CCM2L: variants seen among roughly 807,000 people sequenced by gnomAD.
The protein encoded by CCM2L is CCM2 like scaffold protein.
A neutral mutation model predicts 54.1 loss-of-function variants in CCM2L; 36 were observed. The ratio of observed to expected loss-of-function variants is 0.67; its 90% CI spans 0.51 to 0.88. The LOEUF (loss-of-function observed/expected upper bound fraction) is 0.88, where lower values mean the gene tolerates loss of function less well. CCM2L is among the 40% of genes least tolerant of loss of function. CCM2L has a pLI of 0.00. For missense variants in CCM2L, 700 were observed against 812.1 expected (o/e 0.86, Z 1.68); for synonymous variants, 351 against 359.3 (o/e 0.98, Z 0.26).
At position 32,025,890 on chromosome 20, in the gene CCM2L, T is replaced by A; in HGVS notation, c.1104T>A (p.Tyr368Ter). 1 of 1,304,200 alleles carries A rather than the reference T, an allele frequency of 7.7e-7. No individual in the cohort carries two copies. The highest frequency in any genetic ancestry group is 1.2e-5 in the South Asian group (1 of 81,028). The allele number at this position is 1,304,200 out of a possible 1,614,324, so 80.8% of individuals were successfully genotyped here. The change falls in exon 7 of 10, where the codon TAT becomes TAA. Residue 368 changes from tyrosine to a stop codon, truncating the protein, a stop_gained. Transcript: ENST00000452892. LOFTEE classifies it high-confidence loss of function. ...GCCACACAGATGGGACGTATGCCTA[T>A]GATGCCGACTTCAGCTGCTGCAGCT... is the stretch of plus-strand genomic sequence containing the variant. ...ESCHTDGTYA[Y>*]DADFSCCSSF...
intron 7 of CCM2L, chr20:32,027,764 T>G (rs972003224): frequency 2.6e-5 from 4 of 152,088 alleles, no homozygotes; most frequent in Non-Finnish European, 5.9e-5. Context: ...AAGGTTGAGT[T>G]TTTATTAAGC....
chr20:32,024,825 C>T (rs1399668999), intron 6 of CCM2L, among the ~76,000 whole-genome samples: 1 of 152,156 alleles, frequency 6.6e-6, no homozygotes, highest in African/African-American at 2.4e-5. Context: ...GAAACTCTGC[C>T]TCAAAATAAA....
At chr20:32,013,504 C>T (rs990404584) in intron 1 of CCM2L, among the ~76,000 whole-genome samples, 2 of 152,168 alleles carry the variant, frequency 1.3e-5, no homozygotes, top group Non-Finnish European at 2.9e-5. Context: ...TACGGTGTTG[C>T]AATCGCAGCT....
chr20:32,016,256 T>C (rs2064740586), intron 2 of CCM2L, among the ~76,000 whole-genome samples: 1 of 152,172 alleles, frequency 6.6e-6, no homozygotes, highest in African/African-American at 2.4e-5. Context: ...AGCCACCTAG[T>C]AAAATCTGAA....
chr20:32,018,997 G>A lies in CCM2L; in HGVS notation c.521G>A (p.Gly174Glu), dbSNP rs1461978254. 3 of 1,373,538 alleles carry A rather than the reference G, an allele frequency of 2.2e-6. No individual in the cohort carries two copies. Among genetic ancestry groups the A allele is most frequent in the South Asian group, 3.4e-5 (2 of 59,524 alleles). 85.1% of individuals were successfully genotyped at this position (1,373,538 alleles called of 1,614,324 possible). The part of the protein sequence containing the change: ...AGVDASPGGA[G>E]RDPGPPGGAP... ...GTGGATGCCAGCCCAGGCGGCGCAG[G>A]ACGCGACCCCGGCCCGCCAGGCGGG... Residue 174 changes from glycine to glutamate, a missense_variant, in exon 5 of 10, where the codon GGA (glycine) becomes GAA (glutamate). By Grantham distance (98) the Gly-to-Glu change is moderately conservative (BLOSUM62 -2). Coordinates refer to ENST00000452892, the MANE Select transcript of CCM2L (RefSeq NM_001365692.1).
intron 4 of CCM2L, 134 bp downstream of exon 4, chr20:32,018,296 G>C: frequency 1.4e-6 from 1 of 718,988 alleles, no homozygotes; most frequent in Non-Finnish European, 2.1e-6. Flanking sequence ...CTGCGGCGGG[G>C]GCAGAGGAGA....
chr20:32,025,946 C>T, intron 7 of CCM2L, 27 bp downstream of exon 7: 1 of 1,298,110 alleles, frequency 7.7e-7, no homozygotes, highest in Non-Finnish European at 1.0e-6. Flanking sequence ...TCAGGGACTC[C>T]ACCCTGCTCC....
At chr20:32,010,728 C>G (rs1220855312) in intron 1 of CCM2L, among the ~76,000 whole-genome samples, 1 of 152,168 alleles carries the variant, frequency 6.6e-6, no homozygotes, top group African/African-American at 2.4e-5. Flanking sequence ...CTCAGGAAAC[C>G]TGGCCAGACG....
chr20:32,023,679 ACT>A (rs2122352861), intron 6 of CCM2L, among the ~76,000 whole-genome samples: 2 of 151,782 alleles, frequency 1.3e-5, no homozygotes, highest in African/African-American at 4.8e-5. Flanking sequence ...GGATGAAAGA[ACT>A]CTCTGAGGCC....
intron 2 of CCM2L, among the ~76,000 whole-genome samples, chr20:32,015,858 T>A (rs1292231886): frequency 7.4e-6 from 1 of 135,954 alleles, no homozygotes; most frequent in Non-Finnish European, 1.5e-5. Context: ...GAGCTGTACT[T>A]CTTTTTTTTT....
chr20:32,028,765 TGAG>T, intron 7 of CCM2L: 1 of 504,068 alleles, frequency 2.0e-6, no homozygotes. Flanking sequence ...CACCCAGAGG[TGAG>T]GAGATAGTAG....
chr20:32,017,676 C>A, intron 2 of CCM2L, 124 bp from the exon 3 acceptor site: 1 of 815,598 alleles, frequency 1.2e-6, no homozygotes, highest in Non-Finnish European at 2.1e-6. Context: ...AAGTTATTAT[C>A]AGGTATATTA....
intron 1 of CCM2L, 118 bp from the exon 2 acceptor site, chr20:32,014,786 A>AC (rs1286869716): frequency 1.0e-6 from 1 of 954,602 alleles, no homozygotes; most frequent in Admixed American, 2.8e-5. Context: ...TTACAGAGGT[A>AC]CCCCTTCTGC....
chr20:32,018,960 G>A lies in CCM2L; in HGVS notation c.484G>A (p.Val162Met), dbSNP rs2064769834. 7.1e-6 allele frequency: 10 copies of A among 1,402,256 alleles called. No homozygotes were observed. Among genetic ancestry groups the A allele is most frequent in the East Asian group, 6.1e-5 (2 of 32,570 alleles). The allele number at this position is 1,402,256 out of a possible 1,614,324, so 86.9% of individuals were successfully genotyped here. Residue 162 changes from valine to methionine, a missense_variant, in exon 5 of 10, where the codon GTG becomes ATG. By Grantham distance (21) the Val-to-Met change is conservative. Coordinates refer to ENST00000452892, the MANE Select transcript of CCM2L (RefSeq NM_001365692.1). ...TCTCCTAGGTCTGGGTGTGGACCCGGTGCCGGCCGGCGTGGATGCCAGCCC... is the reference window on the plus strand; with the variant it reads ...TCTCCTAGGTCTGGGTGTGGACCCGATGCCGGCCGGCGTGGATGCCAGCCC... ...VLKTGLGVDP[V>M]PAGVDASPGG...
Position 32,018,930 on chromosome 20 carries a change from C to T in CCM2L, c.467-13C>T, listed in dbSNP as rs2064769343. The T allele has an allele frequency of 7.5e-7, 1 of 1,326,248 alleles. No individual in the cohort carries two copies. Among genetic ancestry groups the T allele is most frequent in the Non-Finnish European group, 9.6e-7 (1 of 1,040,146 alleles). 82.2% of individuals were successfully genotyped at this position (1,326,248 alleles called of 1,614,324 possible). Reference sequence around the variant, plus strand: ...CCGATCCCCGCGGCTGACGGTCCCCCGGACTCTCCTAGGTCTGGGTGTGGA... The same window carrying T: ...CCGATCCCCGCGGCTGACGGTCCCCTGGACTCTCCTAGGTCTGGGTGTGGA... On this transcript the variant is annotated splice_polypyrimidine_tract_variant and intron_variant, in intron 4 of 9. Transcript: ENST00000452892.
At chr20:32,019,445 T>C in intron 5 of CCM2L, 36 bp downstream of exon 5, 1 of 1,423,122 alleles carries the variant, frequency 7.0e-7, no homozygotes. Flanking sequence ...AAAGCCCGGC[T>C]TCGGGAACGC....
At position 32,010,836 on chromosome 20, in the gene CCM2L, G is replaced by A. The variant is rs889343689; in HGVS notation, c.30+352G>A. 2.0e-5 allele frequency among the ~76,000 whole-genome samples: 3 copies of A among 152,156 alleles called. No homozygotes were observed. The East Asian group carries it at 5.8e-4, about 29-fold the overall frequency. The stretch of plus-strand genomic sequence containing the variant: ...CAGACGGACAGACAGACACCCAGCA[G>A]ATCCATTCTCCTGCTCGTCACTGCC... On this transcript the variant is annotated intron_variant, in intron 1 of 9. Transcript: ENST00000452892.
At chr20:32,026,367 C>T (rs1480615014) in intron 7 of CCM2L, among the ~76,000 whole-genome samples, 2 of 152,092 alleles carry the variant, frequency 1.3e-5, no homozygotes, top group Non-Finnish European at 2.9e-5. Context: ...CTTTTCCTTC[C>T]CTACCCTCTT....
rs1235491497 is a variant in CCM2L, at chr20:32,025,874, A to T, written c.1088A>T (p.Asp363Val). The T allele has an allele frequency of 6.1e-6, 8 of 1,303,962 alleles. No individual in the cohort carries two copies. Among genetic ancestry groups the T allele is most frequent in the Non-Finnish European group, 8.1e-6 (8 of 988,946 alleles). The allele number at this position is 1,303,962 out of a possible 1,614,324, so 80.8% of individuals were successfully genotyped here. The change falls in exon 7 of 10, where the codon GAT becomes GTT. Residue 363 changes from aspartate (D) to valine (V), a missense_variant. Transcript: ENST00000452892. The part of the protein sequence containing the change: ...LCSRSESCHT[D>V]GTYAYDADFS... ...GTCCCAGGTGAGAGCTGCCACACAG[A>T]TGGGACGTATGCCTATGATGCCGAC...
Sources: allele counts gnomAD v4.1 joint callset (sites outside exome capture counted in the v4.1 genomes callset), GRCh38; gene constraint gnomAD v4.1.1; transcripts MANE v1.5; gene names NCBI Gene and HGNC (gene_info 2026-07-23, HGNC 2026-07-21).